MFSD11: variants seen among roughly 807,000 people sequenced by gnomAD.
The protein encoded by MFSD11 is major facilitator superfamily domain containing 11.
MFSD11 carries 36 observed loss-of-function variants against 53.5 expected under a neutral mutation model. The ratio of observed to expected loss-of-function variants is 0.67; its 90% CI spans 0.52 to 0.89. MFSD11 has a LOEUF of 0.89. Ranked by LOEUF, MFSD11 falls within the 40% of genes least tolerant of loss-of-function variation. The pLI is 0.00. For missense variants in MFSD11, 530 were observed against 543.9 expected (o/e 0.97, Z 0.25); for synonymous variants, 186 against 184.9 (o/e 1.01, Z -0.05).
intron 7 of MFSD11, among the ~76,000 whole-genome samples, chr17:76,746,631 C>T (rs1473026190): frequency 1.3e-5 from 2 of 152,168 alleles, no homozygotes. Context: ...AACCCTATGA[C>T]CCTTAAGAAT....
At chr17:76,752,482 C>T (rs917356417) in intron 7 of MFSD11, among the ~76,000 whole-genome samples, 14 of 150,640 alleles carry the variant, frequency 9.3e-5, no homozygotes, top group East Asian at 7.8e-4. Context: ...TGGGTTCAAG[C>T]GATTCTCATG....
chr17:76,777,020 C>T (rs2081899321), intron 12 of MFSD11, among the ~76,000 whole-genome samples: 1 of 151,930 alleles, frequency 6.6e-6, no homozygotes, highest in South Asian at 2.1e-4. Context: ...GTAATCCCAG[C>T]ACTTTGGGAG....
the MFSD11 span, among the ~76,000 whole-genome samples, chr17:76,793,437 G>GT: frequency 6.6e-6 from 1 of 151,488 alleles, no homozygotes; most frequent in South Asian, 2.1e-4. Flanking sequence ...AGCGGTCAGA[G>GT]TTTAAGGTTA....
At chr17:76,752,397 ATTTT>A (rs201402482) in intron 7 of MFSD11, among the ~76,000 whole-genome samples, 2 of 138,508 alleles carry the variant, frequency 1.4e-5, no homozygotes, top group Admixed American at 7.3e-5. Context: ...AAAGTCAGGG[ATTTT>A]TTTTTTTTTT....
chr17:76,753,798 A>T (rs955240679), intron 7 of MFSD11, among the ~76,000 whole-genome samples: 1 of 152,148 alleles, frequency 6.6e-6, no homozygotes, highest in African/African-American at 2.4e-5. Flanking sequence ...AACATGTACA[A>T]TAAGTGTAAT....
At chr17:76,750,319 A>T (rs1312664456) in intron 7 of MFSD11, among the ~76,000 whole-genome samples, 1 of 151,730 alleles carries the variant, frequency 6.6e-6, no homozygotes, top group African/African-American at 2.4e-5. Context: ...TGAGGAAAAA[A>T]GTTTTCTTGC....
the MFSD11 span, among the ~76,000 whole-genome samples, chr17:76,794,312 C>T: frequency 4.0e-5 from 6 of 150,630 alleles, no homozygotes; most frequent in South Asian, 2.1e-4. Flanking sequence ...GGTGAAACCC[C>T]GTCTCTACTA....
chr17:76,749,361 C>CA lies in MFSD11; in HGVS notation c.642-4676dup, dbSNP rs71363645. ...CAACATGGCGAAACACCATCTCTAC[C>CA]AAAAAAAAAATACAAAAATTAATCA... On this transcript the variant is annotated intron_variant, in intron 7 of 12. Transcript: ENST00000685175. Among the ~76,000 whole-genome samples, 515 of 145,684 alleles carry CA rather than the reference C, an allele frequency of 3.5e-3. 3 individuals are homozygous for CA. The highest frequency in any genetic ancestry group is 0.012 in the African/African-American group (473 of 39,636).
Position 76,743,439 on chromosome 17 carries a change from G to A in MFSD11, c.479G>A (p.Gly160Glu). The A allele has an allele frequency of 6.3e-7, 1 of 1,578,640 alleles. No individual in the cohort carries two copies. The highest frequency in any genetic ancestry group is 8.6e-7 in the Non-Finnish European group (1 of 1,164,850). Reference sequence around the variant, plus strand: ...CTCTACATATATTTTGCCTGGCAAGGGAAAACTCAGATATCAGGTTTGTTT... The same window carrying A: ...CTCTACATATATTTTGCCTGGCAAGAGAAAACTCAGATATCAGGTTTGTTT... ...GNLYIYFAWQ[G>E]KTQISESDRR... Residue 160 changes from glycine to glutamate, a missense_variant, in exon 6 of 13, where the codon GGG becomes GAG. Physicochemically the swap from Gly to Glu is moderately conservative, Grantham distance 98. Coordinates refer to ENST00000685175, the MANE Select transcript of MFSD11 (RefSeq NM_001242532.5).
chr17:76,763,870 G>T (rs1336544772), intron 8 of MFSD11, among the ~76,000 whole-genome samples: 3 of 144,244 alleles, frequency 2.1e-5, no homozygotes, highest in Admixed American at 6.9e-5. Flanking sequence ...TTTTGTTTTT[G>T]TTTTTTTTTT....
the MFSD11 span, among the ~76,000 whole-genome samples, chr17:76,788,697 A>G: frequency 1.4e-5 from 2 of 148,100 alleles, no homozygotes; most frequent in African/African-American, 5.0e-5. Flanking sequence ...TAAAAACAAG[A>G]AAAAAATTAG....
intron 10 of MFSD11, among the ~76,000 whole-genome samples, chr17:76,771,255 CT>C (rs1268618712): frequency 6.6e-6 from 1 of 152,208 alleles, no homozygotes; most frequent in Non-Finnish European, 1.5e-5. Context: ...GAAAGTGGCT[CT>C]TTCTGAATAA....
At chr17:76,770,014 T>G in intron 10 of MFSD11, 143 bp downstream of exon 10, 1 of 746,636 alleles carries the variant, frequency 1.3e-6, no homozygotes. Flanking sequence ...TATTTTTCTA[T>G]TATTGCTATT....
the MFSD11 span, among the ~76,000 whole-genome samples, chr17:76,789,457 ATACCAG>A: frequency 6.7e-6 from 1 of 150,044 alleles, no homozygotes; most frequent in African/African-American, 2.4e-5. Context: ...GGAAGGTCAT[ATACCAG>A]TTAAACTCCC....
At chr17:76,737,457 C>G, upstream of MFSD11, 1 of 371,978 alleles carries the variant, frequency 2.7e-6, no homozygotes. Context: ...GCCGCGCGCC[C>G]CGCCCCTACC....
the MFSD11 span, among the ~76,000 whole-genome samples, chr17:76,797,860 G>A: frequency 6.6e-6 from 1 of 151,242 alleles, no homozygotes; most frequent in African/African-American, 2.4e-5. Context: ...TTGATAATTT[G>A]CTAGAATGGC....
At chr17:76,800,497 G>A in the MFSD11 span, among the ~76,000 whole-genome samples, 1 of 152,108 alleles carries the variant, frequency 6.6e-6, no homozygotes, top group Admixed American at 6.6e-5. Flanking sequence ...TATTGGTGTG[G>A]CCATTTGTCT....
At chr17:76,764,415 A>C (rs1186764618) in intron 8 of MFSD11, among the ~76,000 whole-genome samples, 1 of 151,466 alleles carries the variant, frequency 6.6e-6, no homozygotes, top group Non-Finnish European at 1.5e-5. Context: ...TATTTCCCCC[A>C]CCCTCCAGCC....
chr17:76,755,568 A>G (rs895231500), intron 8 of MFSD11, among the ~76,000 whole-genome samples: 1 of 151,784 alleles, frequency 6.6e-6, no homozygotes, highest in African/African-American at 2.4e-5. Context: ...CCTGGCTCAG[A>G]TGACACAAAG....
Sources: allele counts gnomAD v4.1 joint callset (sites outside exome capture counted in the v4.1 genomes callset), GRCh38; gene constraint gnomAD v4.1.1; transcripts MANE v1.5; gene names NCBI Gene and HGNC (gene_info 2026-07-23, HGNC 2026-07-21).